The following PLCB4 variants were observed in gnomAD, a reference collection of about 807,000 sequenced individuals.
The protein encoded by PLCB4 is phospholipase C beta 4.
Under a neutral mutation model 178.8 loss-of-function variants are expected in PLCB4, and 77 were observed. That is an observed-to-expected ratio of 0.43 (90% CI 0.36 to 0.52). The LOEUF (loss-of-function observed/expected upper bound fraction) is 0.52, where lower values mean the gene tolerates loss of function less well. Among genes scored for constraint, PLCB4 ranks in the 20% least tolerant of loss-of-function variants. The pLI is 0.00. For missense variants in PLCB4, 1,024 were observed against 1,453.4 expected, an observed-to-expected ratio of 0.70 and a Z score of 4.80; for synonymous variants, 496 against 490.8, an observed-to-expected ratio of 1.01 and a Z score of -0.14.
chr20:9,410,976 C>T, intron 24 of PLCB4, 61 bp from the exon 25 acceptor site: 1 of 1,194,178 alleles, frequency 8.4e-7, no homozygotes, highest in Admixed American at 1.7e-5. Context: ...TTCAAATCAC[C>T]CCGTCAGGGT....
intron 2 of PLCB4, among the ~76,000 whole-genome samples, chr20:9,115,648 A>T (rs1186144462): frequency 7.4e-6 from 1 of 134,452 alleles, no homozygotes; most frequent in African/African-American, 2.8e-5. Flanking sequence ...CTCATTGTTC[A>T]ATTCCCTCCT....
At chr20:9,071,645 A>T (rs1001759957) in intron 1 of PLCB4, among the ~76,000 whole-genome samples, 4 of 152,214 alleles carry the variant, frequency 2.6e-5, no homozygotes, top group African/African-American at 7.2e-5. Context: ...ATTAAAAAAA[A>T]TTAGTAATTA....
intron 3 of PLCB4, among the ~76,000 whole-genome samples, chr20:9,276,206 G>A (rs2094449072): frequency 6.6e-6 from 1 of 152,090 alleles, no homozygotes; most frequent in Non-Finnish European, 1.5e-5. Flanking sequence ...CGTTTATTCA[G>A]GAATCCAGGC....
chr20:9,078,446 G>A (rs764099310), intron 1 of PLCB4, among the ~76,000 whole-genome samples: 1 of 151,408 alleles, frequency 6.6e-6, no homozygotes, highest in Non-Finnish European at 1.5e-5. Context: ...GAGTGCAGTG[G>A]TGCGATCTCG....
At chr20:9,233,780 A>T (rs971655636) in intron 3 of PLCB4, among the ~76,000 whole-genome samples, 8 of 152,168 alleles carry the variant, frequency 5.3e-5, no homozygotes, top group African/African-American at 1.9e-4. Context: ...CAGCAGTTAG[A>T]TGCATGATCA....
At chr20:9,373,502 A>G (rs926461899) in intron 12 of PLCB4, among the ~76,000 whole-genome samples, 1 of 152,216 alleles carries the variant, frequency 6.6e-6, no homozygotes, top group African/African-American at 2.4e-5. Flanking sequence ...CTCCATTGCT[A>G]ACTTTATCTC....
At chr20:9,357,983 G>A (rs2034992711) in intron 7 of PLCB4, among the ~76,000 whole-genome samples, 1 of 152,176 alleles carries the variant, frequency 6.6e-6, no homozygotes, top group Admixed American at 6.5e-5. Flanking sequence ...CTAAAATGCA[G>A]ATTCTGATTC....
Position 9,194,692 on chromosome 20 carries a change from CAAAAAAAAAAA to C in PLCB4, c.-78-22685_-78-22675del, listed in dbSNP as rs555217572. ...TGGGCGACAGAGCAAGACTCCATCTCAAAAAAAAAAAAAAAAAAAAAAAGAACCTTTTTTTA... is the reference window on the plus strand; with the variant it reads ...TGGGCGACAGAGCAAGACTCCATCTCAAAAAAAAAAAAGAACCTTTTTTTA... On this transcript the variant is annotated intron_variant, in intron 2 of 39. Coordinates refer to ENST00000378473, the MANE Select transcript of PLCB4 (RefSeq NM_001377142.1). Among the ~76,000 whole-genome samples, 15 of 40,812 alleles carry C rather than the reference CAAAAAAAAAAA, an allele frequency of 3.7e-4. No homozygotes were observed. The South Asian group carries it at 0.011, about 29-fold the overall frequency. The allele number at this position is 40,812 out of a possible 152,430, so 26.8% of individuals were successfully genotyped here.
intron 3 of PLCB4, among the ~76,000 whole-genome samples, chr20:9,303,647 T>C (rs946171457): frequency 6.6e-6 from 1 of 152,192 alleles, no homozygotes; most frequent in Non-Finnish European, 1.5e-5. Context: ...GCATTGAACA[T>C]GGGAGTGCAG....
chr20:9,404,587 A>G (rs1044111512), intron 20 of PLCB4, among the ~76,000 whole-genome samples: 1 of 148,938 alleles, frequency 6.7e-6, no homozygotes, highest in Non-Finnish European at 1.5e-5. Context: ...CCTGGGCAAC[A>G]GAGCAAGACT....
At chr20:9,274,529 C>G (rs1179688080) in intron 3 of PLCB4, among the ~76,000 whole-genome samples, 3 of 152,062 alleles carry the variant, frequency 2.0e-5, no homozygotes, top group Non-Finnish European at 4.4e-5. Context: ...CACATGTAAA[C>G]ACATGTTTGG....
chr20:9,283,025 G>A (rs1451049262), intron 3 of PLCB4, among the ~76,000 whole-genome samples: 1 of 152,034 alleles, frequency 6.6e-6, no homozygotes, highest in Admixed American at 6.6e-5. Context: ...TGGAACGAAA[G>A]TCTTCATATC....
intron 2 of PLCB4, among the ~76,000 whole-genome samples, chr20:9,106,094 A>C (rs2091351764): frequency 6.6e-6 from 1 of 152,094 alleles, no homozygotes; most frequent in Non-Finnish European, 1.5e-5. Flanking sequence ...AAGAGCTTTT[A>C]AAATAAACTC....
intron 2 of PLCB4, among the ~76,000 whole-genome samples, chr20:9,170,086 A>G (rs1027505962): frequency 2.0e-5 from 3 of 152,198 alleles, no homozygotes; most frequent in Non-Finnish European, 2.9e-5. Context: ...AGTCCTGGCA[A>G]GATATAGAAC....
intron 28 of PLCB4, among the ~76,000 whole-genome samples, chr20:9,432,225 C>T (rs79252303): frequency 0.034 from 5,225 of 152,070 alleles, 303 homozygotes; most frequent in African/African-American, 0.12. Context: ...TACAAAAATG[C>T]TTGGTTAGGA....
intron 9 of PLCB4, among the ~76,000 whole-genome samples, chr20:9,367,105 A>G (rs544819227): frequency 5.9e-5 from 9 of 152,288 alleles, no homozygotes; most frequent in Middle Eastern, 3.4e-3. Context: ...GACTATCTCC[A>G]TACTCCCTTG....
At chr20:9,323,225 A>G (rs767165520) in intron 4 of PLCB4, among the ~76,000 whole-genome samples, 34 of 152,206 alleles carry the variant, frequency 2.2e-4, no homozygotes, top group Non-Finnish European at 4.0e-4. Flanking sequence ...TCCTCTGTAC[A>G]GTCCTCATGG....
chr20:9,213,631 T>G (rs1334656103), intron 2 of PLCB4, among the ~76,000 whole-genome samples: 7 of 152,244 alleles, frequency 4.6e-5, no homozygotes, highest in Non-Finnish European at 5.9e-5. Flanking sequence ...ATTTTACATG[T>G]AATTTTTATA....
At chr20:9,298,748 A>C (rs908564944) in intron 3 of PLCB4, among the ~76,000 whole-genome samples, 11 of 152,136 alleles carry the variant, frequency 7.2e-5, no homozygotes, top group Non-Finnish European at 1.0e-4. Context: ...TGTAATTATT[A>C]AATTTTAAGG....
Sources: gnomAD v4.1 joint callset for allele counts (sites outside exome capture counted in the v4.1 genomes callset) on GRCh38, gnomAD v4.1.1 for gene constraint, MANE v1.5 for transcripts, NCBI Gene and HGNC (gene_info 2026-07-23, HGNC 2026-07-21) for gene names.